Variants in CADM2 observed in about 807,000 individuals in gnomAD.
CADM2 encodes the protein immunoglobulin superfamily member 4D.
In CADM2, 12 loss-of-function variants were observed where a neutral mutation model predicts 49.8. The ratio of observed to expected loss-of-function variants is 0.24; its 90% confidence interval spans 0.15 to 0.39. The LOEUF (loss-of-function observed/expected upper bound fraction) is 0.39. Ranked by LOEUF, CADM2 falls within the 10% of genes least tolerant of loss-of-function variation. CADM2 has a pLI of 1.00. For synonymous variants in CADM2, 214 were observed against 175.4 expected (o/e 1.22, Z -1.74); for missense variants, 378 against 492.3 (o/e 0.77, Z 2.20).
At chr3:85,224,887 G>T (rs1403194286) in intron 1 of CADM2, among the ~76,000 whole-genome samples, 1 of 152,136 alleles carries the variant, frequency 6.6e-6, no homozygotes, top group African/African-American at 2.4e-5. Context: ...TTTTTGTCAG[G>T]TTTGTCAAAG....
At chr3:85,906,789 A>G (rs773243918) in intron 5 of CADM2, among the ~76,000 whole-genome samples, 1 of 152,210 alleles carries the variant, frequency 6.6e-6, no homozygotes, top group Non-Finnish European at 1.5e-5. Flanking sequence ...GACAGTTTAA[A>G]ACAAATACAA....
chr3:85,736,898 G>T (rs139301751), intron 2 of CADM2, among the ~76,000 whole-genome samples: 14 of 152,134 alleles, frequency 9.2e-5, no homozygotes, highest in African/African-American at 3.1e-4. Flanking sequence ...GCCCAGAGTG[G>T]TCAGTGGTAA....
At chr3:85,190,909 T>C (rs1017150345) in intron 1 of CADM2, among the ~76,000 whole-genome samples, 1 of 152,066 alleles carries the variant, frequency 6.6e-6, no homozygotes, top group Non-Finnish European at 1.5e-5. Flanking sequence ...ACATGTAAAA[T>C]CCCTAGTGTT....
chr3:85,639,487 A>G (rs1446197497), intron 1 of CADM2, among the ~76,000 whole-genome samples: 1 of 152,164 alleles, frequency 6.6e-6, no homozygotes, highest in Non-Finnish European at 1.5e-5. Context: ...TTTTTCAGGT[A>G]TTAAGTTCAG....
chr3:85,541,157 A>T (rs896063514), intron 1 of CADM2, among the ~76,000 whole-genome samples: 1 of 150,794 alleles, frequency 6.6e-6, no homozygotes, highest in African/African-American at 2.4e-5. Context: ...ATATACATTT[A>T]TATATTTATT....
intron 3 of CADM2, among the ~76,000 whole-genome samples, chr3:85,881,621 G>A (rs1383556483): frequency 6.6e-6 from 1 of 152,070 alleles, no homozygotes; most frequent in Non-Finnish European, 1.5e-5. Flanking sequence ...GCTGCTATTT[G>A]GACAGGTTGA....
At chr3:85,620,431 T>A (rs1015575414) in intron 1 of CADM2, among the ~76,000 whole-genome samples, 2 of 152,158 alleles carry the variant, frequency 1.3e-5, no homozygotes, top group African/African-American at 4.8e-5. Context: ...AATGTTGGAA[T>A]TGTTCTAAAT....
intron 8 of CADM2, among the ~76,000 whole-genome samples, chr3:86,063,571 C>T (rs148909763): frequency 2.9e-3 from 446 of 152,264 alleles, no homozygotes; most frequent in African/African-American, 9.9e-3. Flanking sequence ...TGTCCTCCAT[C>T]GGGGATACAT....
chr3:85,676,029 C>T (rs866288980), intron 1 of CADM2, among the ~76,000 whole-genome samples: 6 of 152,190 alleles, frequency 3.9e-5, no homozygotes, highest in African/African-American at 1.4e-4. Flanking sequence ...GCTTTTGGCA[C>T]TCATGTGCAC....
chr3:86,029,258 G>A lies in CADM2; in HGVS notation c.971-36347G>A, dbSNP rs114101569. ...AATTGTCCTTTAAGATTAAAATTGG[G>A]TTAGCCTATGAATGAAAGAGAATGG... is the stretch of plus-strand genomic sequence containing the variant. On this transcript the variant is annotated intron_variant, in intron 8 of 9. Transcript: ENST00000383699. Among the ~76,000 whole-genome samples, 972 of 152,184 alleles carry A rather than the reference G, an allele frequency of 6.4e-3. 4 individuals are homozygous for A. The highest frequency in any genetic ancestry group is 9.3e-3 in the Non-Finnish European group (630 of 67,992).
chr3:85,549,593 C>CA (rs1287751426), intron 1 of CADM2, among the ~76,000 whole-genome samples: 1 of 151,988 alleles, frequency 6.6e-6, no homozygotes, highest in Non-Finnish European at 1.5e-5. Context: ...TCAATGTTTA[C>CA]ACTCTGTGGT....
intron 1 of CADM2, among the ~76,000 whole-genome samples, chr3:85,209,472 AC>A (rs2041725595): frequency 1.3e-5 from 2 of 152,170 alleles, no homozygotes; most frequent in African/African-American, 2.4e-5. Flanking sequence ...CCATTTATGT[AC>A]TTAAATATTT....
chr3:85,143,249 A>G (rs2039631697), intron 1 of CADM2, among the ~76,000 whole-genome samples: 1 of 152,158 alleles, frequency 6.6e-6, no homozygotes, highest in South Asian at 2.1e-4. Flanking sequence ...TTCGGGGGCC[A>G]AGACAGAAGG....
Position 85,215,357 on chromosome 3 carries a change from TTAAAAAAAAA to T in CADM2, c.61+255690_61+255699del, listed in dbSNP as rs2041895296. On this transcript the variant is annotated intron_variant, in intron 1 of 9. Transcript: ENST00000383699. ...TTGCAACACCAAAGTTCTCTCTTTT[TTAAAAAAAAA>T]AAAAAAAAAAAAAAAGAAAAAAACT... is the stretch of plus-strand genomic sequence containing the variant. Among the ~76,000 whole-genome samples, 3 of 114,388 alleles carry T rather than the reference TTAAAAAAAAA, an allele frequency of 2.6e-5. No individual in the cohort carries two copies. The Admixed American group carries it at 3.1e-4, about 12-fold the overall frequency. 75.0% of individuals were successfully genotyped at this position (114,388 alleles called of 152,430 possible).
At chr3:85,972,005 A>G (rs1726210095) in intron 8 of CADM2, among the ~76,000 whole-genome samples, 1 of 150,484 alleles carries the variant, frequency 6.6e-6, no homozygotes, top group Non-Finnish European at 1.5e-5. Flanking sequence ...ATAATTTTTA[A>G]AAGAGTTCCT....
chr3:85,324,788 C>T (rs867843989), intron 1 of CADM2, among the ~76,000 whole-genome samples: 2 of 152,140 alleles, frequency 1.3e-5, no homozygotes, highest in East Asian at 1.9e-4. Context: ...AAAACCACAT[C>T]GTGTGGGTAT....
intron 1 of CADM2, among the ~76,000 whole-genome samples, chr3:85,555,615 G>A (rs72615726): frequency 0.51 from 77,857 of 151,734 alleles, 23,035 homozygotes; most frequent in East Asian, 0.85. Context: ...TTATACTTTT[G>A]AATTTTTGTT....
At chr3:85,415,013 A>C (rs1164891133) in intron 1 of CADM2, among the ~76,000 whole-genome samples, 1 of 152,214 alleles carries the variant, frequency 6.6e-6, no homozygotes, top group African/African-American at 2.4e-5. Flanking sequence ...TTTAAAGTGC[A>C]AATGCCTCCG....
chr3:85,955,813 G>GT (rs1341173704), intron 7 of CADM2, among the ~76,000 whole-genome samples: 3 of 151,310 alleles, frequency 2.0e-5, no homozygotes, highest in African/African-American at 7.3e-5. Flanking sequence ...GAGTTAATAG[G>GT]TTTTCTAAAA....
Sources: allele counts gnomAD v4.1 joint callset (sites outside exome capture counted in the v4.1 genomes callset), GRCh38; gene constraint gnomAD v4.1.1; transcripts MANE v1.5; gene names NCBI Gene and HGNC (gene_info 2026-07-23, HGNC 2026-07-21).